Variants in CDK14 observed in about 807,000 individuals in gnomAD.
The protein encoded by CDK14 is cyclin dependent kinase 14, also known as cyclin-dependent kinase 14.
Under a neutral mutation model 60.7 loss-of-function variants are expected in CDK14, and 34 were observed. The observed-to-expected ratio is 0.56, with a 90% CI of 0.43 to 0.75. The LOEUF is 0.75. Ranked by LOEUF, CDK14 falls within the 30% of genes least tolerant of loss-of-function variation. CDK14 has a pLI of 0.00. For missense variants in CDK14, 482 were observed against 564.1 expected, an observed-to-expected ratio of 0.85 and a Z score of 1.47; for synonymous variants, 197 against 203.7, an observed-to-expected ratio of 0.97 and a Z score of 0.28.
chr7:91,023,187 A>G (rs945240662), intron 10 of CDK14, among the ~76,000 whole-genome samples: 13 of 152,288 alleles, frequency 8.5e-5, no homozygotes, highest in South Asian at 8.3e-4. Context: ...ACAGTGGAAC[A>G]TGATGTTCAT....
intron 8 of CDK14, among the ~76,000 whole-genome samples, chr7:90,922,907 C>G (rs1793293160): frequency 6.6e-6 from 1 of 151,942 alleles, no homozygotes; most frequent in Non-Finnish European, 1.5e-5. Flanking sequence ...CAGAGAGTTC[C>G]TATATACCCG....
intron 5 of CDK14, among the ~76,000 whole-genome samples, chr7:90,816,513 C>T (rs1789365258): frequency 6.6e-6 from 1 of 152,100 alleles, no homozygotes; most frequent in Non-Finnish European, 1.5e-5. Flanking sequence ...TAATTATTGA[C>T]ACTGGATCAT....
chr7:90,825,596 G>A (rs1334708679), intron 5 of CDK14, among the ~76,000 whole-genome samples: 3 of 152,278 alleles, frequency 2.0e-5, no homozygotes, highest in Non-Finnish European at 2.9e-5. Flanking sequence ...AACTGTTATC[G>A]TGGCAGGGAT....
chr7:91,096,411 T>A (rs1798993630), intron 12 of CDK14, among the ~76,000 whole-genome samples: 1 of 152,104 alleles, frequency 6.6e-6, no homozygotes, highest in African/African-American at 2.4e-5. Context: ...ACGAATTACC[T>A]TGGAAGTGGA....
At chr7:91,104,167 G>A (rs1382740752) in intron 12 of CDK14, among the ~76,000 whole-genome samples, 1 of 151,932 alleles carries the variant, frequency 6.6e-6, no homozygotes, top group Middle Eastern at 3.2e-3. Flanking sequence ...ACCCTTCCAG[G>A]TTTTTCTGAC....
At chr7:91,114,872 G>T (rs1210799879) in intron 13 of CDK14, among the ~76,000 whole-genome samples, 2 of 152,224 alleles carry the variant, frequency 1.3e-5, no homozygotes, top group East Asian at 3.9e-4. Context: ...AGAATTCCCA[G>T]ACTTTGGAGA....
intron 10 of CDK14, among the ~76,000 whole-genome samples, chr7:90,985,563 G>A (rs17401340): frequency 0.15 from 22,285 of 151,982 alleles, 1,850 homozygotes; most frequent in Middle Eastern, 0.27. Flanking sequence ...TTAAGTAAGC[G>A]CAACGTTTAA....
chr7:91,003,263 A>G (rs1481722322), intron 10 of CDK14, among the ~76,000 whole-genome samples: 1 of 152,092 alleles, frequency 6.6e-6, no homozygotes, highest in Non-Finnish European at 1.5e-5. Flanking sequence ...TTCTAGTTGT[A>G]AAATAGATAT....
chr7:91,011,759 C>T (rs540623873), intron 10 of CDK14, among the ~76,000 whole-genome samples: 8 of 152,134 alleles, frequency 5.3e-5, no homozygotes, highest in African/African-American at 1.4e-4. Context: ...TTTTTCATCT[C>T]ATATATTGTA....
chr7:91,179,289 G>A (rs1584178005), intron 14 of CDK14, among the ~76,000 whole-genome samples: 1 of 145,728 alleles, frequency 6.9e-6, no homozygotes, highest in Non-Finnish European at 1.5e-5. Flanking sequence ...TCACTCATAG[G>A]TGGGAATTGA....
At chr7:90,745,612 C>T (rs1052941519) in intron 3 of CDK14, among the ~76,000 whole-genome samples, 2 of 152,262 alleles carry the variant, frequency 1.3e-5, no homozygotes, top group Admixed American at 6.5e-5. Context: ...GATGGGGTTT[C>T]ACCATGTTGG....
At chr7:91,162,688 C>T (rs1441214843) in intron 14 of CDK14, among the ~76,000 whole-genome samples, 1 of 152,180 alleles carries the variant, frequency 6.6e-6, no homozygotes, top group Non-Finnish European at 1.5e-5. Flanking sequence ...CCTCATTTAC[C>T]ATATGAAGAA....
intron 2 of CDK14, among the ~76,000 whole-genome samples, chr7:90,658,507 A>G (rs117685079): frequency 2.5e-3 from 381 of 152,342 alleles, no homozygotes; most frequent in Non-Finnish European, 4.1e-3. Context: ...TTAGATTACA[A>G]CATACGGATT....
chr7:90,740,268 TATAGAG>T (rs373004639), intron 3 of CDK14, among the ~76,000 whole-genome samples: 12,664 of 143,000 alleles, frequency 0.089, 606 homozygotes, highest in Middle Eastern at 0.18. Context: ...TATATATATA[TATAGAG>T]AGAGAGAGAG....
At chr7:90,994,028 T>C (rs2115708126) in intron 10 of CDK14, among the ~76,000 whole-genome samples, 1 of 152,370 alleles carries the variant, frequency 6.6e-6, no homozygotes, top group Non-Finnish European at 1.5e-5. Context: ...ATTTTTAACA[T>C]ATATGACTAC....
intron 6 of CDK14, among the ~76,000 whole-genome samples, chr7:90,889,512 C>T (rs1479629651): frequency 6.6e-6 from 1 of 152,138 alleles, no homozygotes; most frequent in Non-Finnish European, 1.5e-5. Context: ...ACATGTAAGA[C>T]ACGTACAGGT....
At chr7:90,842,929 A>G (rs1790345222) in intron 5 of CDK14, among the ~76,000 whole-genome samples, 1 of 151,826 alleles carries the variant, frequency 6.6e-6, no homozygotes, top group Admixed American at 6.6e-5. Context: ...AGGAATGCCA[A>G]ACAACCTATT....
intron 10 of CDK14, among the ~76,000 whole-genome samples, chr7:91,004,821 CA>C (rs1795936214): frequency 6.6e-6 from 1 of 152,186 alleles, no homozygotes; most frequent in Non-Finnish European, 1.5e-5. Context: ...TCAGTCTGGT[CA>C]AAACCACACT....
At chr7:90,853,100 G>A (rs1374053301) in intron 5 of CDK14, among the ~76,000 whole-genome samples, 1 of 152,060 alleles carries the variant, frequency 6.6e-6, no homozygotes, top group Non-Finnish European at 1.5e-5. Context: ...TCTGCTGATT[G>A]TATATGTTTA....
Sources: gnomAD v4.1 joint callset for allele counts (sites outside exome capture counted in the v4.1 genomes callset) on GRCh38, gnomAD v4.1.1 for gene constraint, MANE v1.5 for transcripts, NCBI Gene and HGNC (gene_info 2026-07-23, HGNC 2026-07-21) for gene names.